The following GLUD1 variants were observed in gnomAD, a reference collection of about 807,000 sequenced individuals.
The protein encoded by GLUD1 is glutamate dehydrogenase 1.
Under a neutral mutation model 56.0 loss-of-function variants are expected in GLUD1, and 22 were observed. The ratio of observed to expected loss-of-function variants is 0.39; its 90% CI spans 0.28 to 0.56. The LOEUF is 0.56. GLUD1 is among the 20% of genes least tolerant of loss of function. GLUD1 has a pLI of 0.58. For synonymous variants in GLUD1, 223 were observed against 269.9 expected (o/e 0.83, Z 1.70); for missense variants, 451 against 732.0 (o/e 0.62, Z 4.43).
intron 1 of GLUD1, chr10:87,093,878 G>C: frequency 8.0e-7 from 1 of 1,255,330 alleles, no homozygotes; most frequent in African/African-American, 1.5e-5. Flanking sequence ...TATTGGAACA[G>C]GAGTGAACAA....
At chr10:87,089,622 G>A in intron 1 of GLUD1, 1 of 985,250 alleles carries the variant, frequency 1.0e-6, no homozygotes, top group Non-Finnish European at 1.2e-6. Flanking sequence ...GAATCTTCTA[G>A]GTGTAGTTGC....
chr10:87,094,754 C>T lies in GLUD1; in HGVS notation c.16G>A (p.Gly6Ser), dbSNP rs1196090592. MYRYL[G>S]EALLLSRAGP... Reference sequence around the variant, plus strand: ...GCCCGGGACAGCAACAGCGCTTCGCCCAGGTAGCGGTACATGGCCACAAGC... The same window carrying T: ...GCCCGGGACAGCAACAGCGCTTCGCTCAGGTAGCGGTACATGGCCACAAGC... The change falls in exon 1 of 13, where the codon GGC becomes AGC. Residue 6 changes from glycine to serine, a missense_variant. Coordinates refer to ENST00000277865, the MANE Select transcript of GLUD1 (RefSeq NM_005271.5). The surrounding 1 kb of genome is among the most constrained non-coding windows in gnomAD (Gnocchi z 6.6). The T allele has an allele frequency of 1.3e-6, 2 of 1,537,918 alleles. No homozygotes were observed. Among genetic ancestry groups the T allele is most frequent in the South Asian group, 2.3e-5 (2 of 85,392 alleles).
chr10:87,052,605 G>C (rs1385800504), intron 12 of GLUD1, among the ~76,000 whole-genome samples: 2 of 145,394 alleles, frequency 1.4e-5, no homozygotes. Flanking sequence ...GGGAGGTGGA[G>C]GTTACAGTGA....
chr10:87,057,641 A>G (rs1845819995), intron 11 of GLUD1, 50 bp downstream of exon 11: 1 of 942,740 alleles, frequency 1.1e-6, no homozygotes, highest in African/African-American at 1.6e-5. Context: ...TGTCTGAAGG[A>G]AAGAGCAGGG....
chr10:87,064,160 G>A (rs190856990), intron 5 of GLUD1, among the ~76,000 whole-genome samples: 2 of 152,166 alleles, frequency 1.3e-5, no homozygotes, highest in Non-Finnish European at 2.9e-5. Flanking sequence ...TGATCCACCC[G>A]CCTCGGCCTC....
At chr10:87,078,669 T>G (rs997121088) in intron 1 of GLUD1, among the ~76,000 whole-genome samples, 25 of 152,216 alleles carry the variant, frequency 1.6e-4, no homozygotes, top group Non-Finnish European at 3.7e-4. Context: ...ACATACATGT[T>G]AAGTTTTAAA....
At chr10:87,070,686 C>T (rs138207512) in intron 4 of GLUD1, among the ~76,000 whole-genome samples, 12 of 152,138 alleles carry the variant, frequency 7.9e-5, no homozygotes, top group Non-Finnish European at 1.3e-4. Flanking sequence ...ATCAGAAACA[C>T]GTAATGATAA....
At chr10:87,093,923 G>A (rs1841620656) in intron 1 of GLUD1, 5 of 1,345,110 alleles carry the variant, frequency 3.7e-6, no homozygotes, top group Non-Finnish European at 4.9e-6. Context: ...TGCATTTAGG[G>A]GAGACTCACA....
intron 5 of GLUD1, among the ~76,000 whole-genome samples, chr10:87,064,022 C>T (rs1242434250): frequency 6.6e-6 from 1 of 152,154 alleles, no homozygotes; most frequent in African/African-American, 2.4e-5. Flanking sequence ...GGACTACAGG[C>T]ACCCACCATC....
chr10:87,079,687 T>C (rs12781507), intron 1 of GLUD1, among the ~76,000 whole-genome samples: 1 of 152,138 alleles, frequency 6.6e-6, no homozygotes, highest in Non-Finnish European at 1.5e-5. Context: ...TCTGGCACGG[T>C]GCCCTGCAAG....
In GLUD1 at chr10:87,068,024, G is replaced by A. The variant is rs777264856; in HGVS notation, c.741+39C>T. The A allele has an allele frequency of 1.8e-5, 21 of 1,162,188 alleles. No individual in the cohort carries two copies. The South Asian group carries it at 2.1e-4, about 11-fold the overall frequency. 72.0% of individuals were successfully genotyped at this position (1,162,188 alleles called of 1,614,324 possible). On this transcript the variant is annotated intron_variant, in intron 5 of 12. Transcript: ENST00000277865. ...GTCAAACTGTTAATTCTTGTAGACA[G>A]CAAATGCAGAAGCCTCGGGGCTTCC...
intron 11 of GLUD1, among the ~76,000 whole-genome samples, chr10:87,056,570 T>C (rs1462505984): frequency 2.0e-5 from 3 of 152,192 alleles, no homozygotes; most frequent in East Asian, 1.9e-4. Context: ...GCTGGGATTA[T>C]AGGCGTGAGC....
At chr10:87,067,981 C>G in intron 5 of GLUD1, 82 bp downstream of exon 5, 1 of 821,116 alleles carries the variant, frequency 1.2e-6, no homozygotes, top group Non-Finnish European at 2.1e-6. Flanking sequence ...CAGGGATTCT[C>G]AACTTTTGAT....
chr10:87,089,347 C>G (rs1278058446), intron 1 of GLUD1, among the ~76,000 whole-genome samples: 1 of 152,212 alleles, frequency 6.6e-6, no homozygotes, highest in Non-Finnish European at 1.5e-5. Context: ...GCTGTGTCAC[C>G]CTGCCAAAGG....
At chr10:87,051,945 C>G in intron 12 of GLUD1, 75 bp from the exon 13 acceptor site, 8 of 1,546,748 alleles carry the variant, frequency 5.2e-6, no homozygotes, top group Non-Finnish European at 6.3e-6. Context: ...AAGGCCCAGA[C>G]AGGCCTGGTC....
chr10:87,056,973 CT>C, intron 11 of GLUD1, among the ~76,000 whole-genome samples: 1 of 150,346 alleles, frequency 6.7e-6, no homozygotes, highest in Non-Finnish European at 1.5e-5. Flanking sequence ...TCCCTCCTTT[CT>C]TTTTTTTGGC....
chr10:87,081,180 G>C (rs1362913062), intron 1 of GLUD1, among the ~76,000 whole-genome samples: 1 of 120,086 alleles, frequency 8.3e-6, no homozygotes, highest in Non-Finnish European at 1.7e-5. Flanking sequence ...CAGCCGCCCC[G>C]TCCAGGAGGG....
At chr10:87,053,752 G>A (rs1443268709) in intron 11 of GLUD1, among the ~76,000 whole-genome samples, 1 of 152,192 alleles carries the variant, frequency 6.6e-6, no homozygotes, top group African/African-American at 2.4e-5. Flanking sequence ...TGAGCAATGT[G>A]TTACACTGTT....
chr10:87,062,802 G>A lies in GLUD1; in HGVS notation c.775C>T (p.Pro259Ser). 6.2e-7 allele frequency: 1 copy of A among 1,614,144 alleles called. No homozygotes were observed. Among genetic ancestry groups the A allele is most frequent in the Non-Finnish European group, 8.5e-7 (1 of 1,180,008 alleles). ...INAHACVTGK[P>S]ISQGGIHGRI... ...CCATGGATTCCCCCTTGGCTGATGG[G>A]TTTACCAGTAACACAGGCGTGTGCA... The change falls in exon 6 of 13, where the codon CCC (proline) becomes TCC (serine). Residue 259 changes from proline (P) to serine (S), a missense_variant. Around this residue, in one of 4 missense-constraint regions of GLUD1, gnomAD observed 248 missense variants for 460.0 expected, o/e 0.54. Coordinates refer to ENST00000277865, the MANE Select transcript of GLUD1 (RefSeq NM_005271.5).
Sources: allele counts gnomAD v4.1 joint callset (sites outside exome capture counted in the v4.1 genomes callset), GRCh38; gene constraint gnomAD v4.1.1; regional missense constraint gnomAD v4.1.1; non-coding constraint Gnocchi (gnomAD v3.1); transcripts MANE v1.5; gene names NCBI Gene and HGNC (gene_info 2026-07-23, HGNC 2026-07-21).